Variants in FAM53A observed in about 807,000 individuals in gnomAD.
FAM53A encodes the protein protein FAM53A.
A neutral mutation model predicts 26.6 loss-of-function variants in FAM53A; 28 were observed. The observed-to-expected ratio is 1.05, with a 90% CI of 0.78 to 1.45. The LOEUF is 1.45. Ranked by LOEUF, FAM53A falls within the 40% of genes most tolerant of loss-of-function variation. The pLI is 0.00. For missense variants in FAM53A, 650 were observed against 575.8 expected, an observed-to-expected ratio of 1.13 and a Z score of -1.32; for synonymous variants, 290 against 253.1, an observed-to-expected ratio of 1.15 and a Z score of -1.38.
chr4:1,623,937 G>C (rs1411036711), intron 1 of FAM53A, among the ~76,000 whole-genome samples: 1 of 152,188 alleles, frequency 6.6e-6, no homozygotes, highest in East Asian at 1.9e-4. Flanking sequence ...CAGGCCAGGA[G>C]ATGGGGCCAA....
the FAM53A span, among the ~76,000 whole-genome samples, chr4:1,597,849 C>A: frequency 7.9e-5 from 12 of 152,302 alleles, no homozygotes; most frequent in East Asian, 2.3e-3. Context: ...TACAAAAATT[C>A]GCCGGATGTG....
chr4:1,603,058 G>A, the FAM53A span, among the ~76,000 whole-genome samples: 1 of 152,224 alleles, frequency 6.6e-6, no homozygotes, highest in African/African-American at 2.4e-5. Context: ...TGAGTTCAGA[G>A]GTTGCGTCCT....
downstream of FAM53A, among the ~76,000 whole-genome samples, chr4:1,638,402 CG>C (rs1715942877): frequency 6.6e-6 from 1 of 152,104 alleles, no homozygotes; most frequent in Admixed American, 6.5e-5. Flanking sequence ...GCAGAAGAAC[CG>C]GCTGCACTGC....
intron 1 of FAM53A, among the ~76,000 whole-genome samples, chr4:1,624,904 G>A (rs1305245868): frequency 6.0e-5 from 9 of 150,376 alleles, no homozygotes; most frequent in African/African-American, 2.0e-4. Context: ...GTGATCAGAA[G>A]CCCCCACGTC....
chr4:1,584,180 G>C, the FAM53A span, among the ~76,000 whole-genome samples: 454 of 152,238 alleles, frequency 3.0e-3, no homozygotes, highest in African/African-American at 0.011. Flanking sequence ...CCTTCATTTT[G>C]ATATATTCAA....
At chr4:1,580,359 C>T in the FAM53A span, 2 of 152,294 alleles carry the variant, frequency 1.3e-5, no homozygotes, top group Non-Finnish European at 2.9e-5. Flanking sequence ...CGGAAGCAGC[C>T]ATACCCCGCG....
chr4:1,660,630 T>C (rs1289614462), intron 2 of FAM53A, among the ~76,000 whole-genome samples: 1 of 152,078 alleles, frequency 6.6e-6, no homozygotes, highest in African/African-American at 2.4e-5. Flanking sequence ...GGCTCACGCC[T>C]GTAATCCCAG....
chr4:1,667,872 A>G (rs1714348656), intron 2 of FAM53A, among the ~76,000 whole-genome samples: 1 of 152,070 alleles, frequency 6.6e-6, no homozygotes, highest in Non-Finnish European at 1.5e-5. Flanking sequence ...CCATCTAACT[A>G]GGGCGGGGGG....
chr4:1,584,758 T>C, the FAM53A span, among the ~76,000 whole-genome samples: 1 of 152,246 alleles, frequency 6.6e-6, no homozygotes, highest in Non-Finnish European at 1.5e-5. Flanking sequence ...ACTCTGTGCC[T>C]GGCTGCCCCT....
chr4:1,660,792 G>A (rs917808027), intron 2 of FAM53A, among the ~76,000 whole-genome samples: 2 of 151,932 alleles, frequency 1.3e-5, no homozygotes, highest in African/African-American at 4.8e-5. Context: ...AGGAGGCCGA[G>A]GCAGGAGAAT....
At chr4:1,604,615 G>A in the FAM53A span, among the ~76,000 whole-genome samples, 1 of 152,062 alleles carries the variant, frequency 6.6e-6, no homozygotes, top group African/African-American at 2.4e-5. Context: ...TGCTGGGACC[G>A]CATGACCACC....
chr4:1,652,417 G>GCCACACACA (rs1712932110), intron 4 of FAM53A, among the ~76,000 whole-genome samples: 1 of 91,572 alleles, frequency 1.1e-5, no homozygotes, highest in African/African-American at 4.3e-5. Flanking sequence ...ACACACACAC[G>GCCACACACA]CCACATACAC....
In FAM53A at chr4:1,630,811, G is replaced by T. The variant is rs762135910; in HGVS notation, c.432-12700C>A. 6.6e-5 allele frequency among the ~76,000 whole-genome samples: 10 copies of T among 152,168 alleles called. No homozygotes were observed. Among genetic ancestry groups the T allele is most frequent in the Non-Finnish European group, 8.8e-5 (6 of 68,028 alleles). ...GCTCATTTGGGCGATGGGATAAAAT[G>T]GTTTGGAACCAGAGAGAGGCGGTGT... is the stretch of plus-strand genomic sequence containing the variant. On this transcript the variant is annotated intron_variant, in intron 1 of 1. Transcript: ENST00000489029. This position sits in a 1 kb window ranked among gnomAD's most constrained non-coding sequence, Gnocchi z 4.3.
chr4:1,596,289 G>A, the FAM53A span, among the ~76,000 whole-genome samples: 3 of 152,194 alleles, frequency 2.0e-5, no homozygotes, highest in African/African-American at 7.2e-5. Context: ...ATTCCATGCT[G>A]TCCGGATTTT....
chr4:1,640,490 C>T lies in FAM53A; in HGVS notation c.*803G>A, dbSNP rs561655238. 28 of 299,206 alleles carry T rather than the reference C, an allele frequency of 9.4e-5. No individual in the cohort carries two copies. Among genetic ancestry groups the T allele is most frequent in the African/African-American group, 5.4e-4 (23 of 42,722 alleles). The allele number at this position is 299,206 out of a possible 1,614,324, so 18.5% of individuals were successfully genotyped here. A position where few individuals can be genotyped will look rare whatever the true frequency, so the allele number is the denominator to read the frequency against. Reference sequence around the variant, plus strand: ...GTTTGCAGATTCATGTTTAATAGAACGCCCTTCTGAAATGCATCCAAAATA... The same window carrying T: ...GTTTGCAGATTCATGTTTAATAGAATGCCCTTCTGAAATGCATCCAAAATA... On this transcript the variant is annotated 3_prime_UTR_variant, in exon 5 of 5. Transcript: ENST00000308132.
chr4:1,650,731 A>T (rs1160021016), intron 4 of FAM53A, among the ~76,000 whole-genome samples: 2 of 150,032 alleles, frequency 1.3e-5, no homozygotes, highest in African/African-American at 4.9e-5. Flanking sequence ...CCTGACCTCA[A>T]ATGATCCACC....
intron 4 of FAM53A, among the ~76,000 whole-genome samples, chr4:1,648,828 G>A (rs1011217733): frequency 2.6e-5 from 4 of 152,150 alleles, no homozygotes; most frequent in Admixed American, 6.5e-5. Context: ...AGAAAACGGG[G>A]CAAGCCGGGA....
At chr4:1,644,418 A>G in intron 4 of FAM53A, 3 of 1,500,774 alleles carry the variant, frequency 2.0e-6, no homozygotes, top group Non-Finnish European at 2.7e-6. Flanking sequence ...TTCTGCCCAC[A>G]GACACGGCAG....
chr4:1,638,651 C>T (rs957125296), downstream of FAM53A, among the ~76,000 whole-genome samples: 4 of 152,128 alleles, frequency 2.6e-5, no homozygotes, highest in African/African-American at 9.7e-5. Flanking sequence ...CCAGACGCTC[C>T]GTCAAGGGAA....
Sources: gnomAD v4.1 joint callset for allele counts (sites outside exome capture counted in the v4.1 genomes callset) on GRCh38, gnomAD v4.1.1 for gene constraint, Gnocchi (gnomAD v3.1) non-coding constraint, MANE v1.5 for transcripts, NCBI Gene and HGNC (gene_info 2026-07-23, HGNC 2026-07-21) for gene names.